SLC26A5: variants seen among roughly 807,000 people sequenced by gnomAD.
SLC26A5 encodes solute carrier family 26 member 5.
Under a neutral mutation model 81.0 loss-of-function variants are expected in SLC26A5, and 51 were observed. The observed-to-expected ratio is 0.63, with a 90% CI of 0.50 to 0.80. SLC26A5 has a LOEUF of 0.80. Among genes scored for constraint, SLC26A5 ranks in the 30% least tolerant of loss-of-function variants. SLC26A5 has a pLI of 0.00. For synonymous variants in SLC26A5, 325 were observed against 332.8 expected, an observed-to-expected ratio of 0.98 and a Z score of 0.25; for missense variants, 771 against 905.8, an observed-to-expected ratio of 0.85 and a Z score of 1.91.
Position 103,378,447 on chromosome 7 carries a change from G to A in SLC26A5, c.1784C>T (p.Ala595Val). 6.2e-7 allele frequency: 1 copy of A among 1,613,696 alleles called. No individual in the cohort carries two copies. Among genetic ancestry groups the A allele is most frequent in the Non-Finnish European group, 8.5e-7 (1 of 1,179,592 alleles). Reference protein sequence around the residue: ...ANMANATVVKADAEVDGEDAT... With the variant: ...ANMANATVVKVDAEVDGEDAT... The stretch of plus-strand genomic sequence containing the variant: ...TATTTCAATGAAAAGACCACTCACT[G>A]CTTTGACAACAGTTGCGTTGGCCAT... The change falls in exon 17 of 20, where the codon GCA (alanine) becomes GTA (valine). Residue 595 changes from alanine (A) to valine (V), a missense_variant and splice_region_variant. Physicochemically the swap from Ala to Val is moderately conservative, Grantham distance 64. Transcript: ENST00000306312.
intron 19 of SLC26A5, chr7:103,363,438 A>T (rs1174791601): frequency 6.2e-7 from 1 of 1,604,218 alleles, no homozygotes; most frequent in Non-Finnish European, 8.5e-7. Flanking sequence ...CCATTACTTC[A>T]TGTAAGTAGC....
rs187385875 is a variant in SLC26A5, at chr7:103,354,280, C to T, written c.2042-1354G>A. Among the ~76,000 whole-genome samples, 4 of 151,368 alleles carry T rather than the reference C, an allele frequency of 2.6e-5. 1 individual carries two copies. The highest frequency in any genetic ancestry group is 2.6e-4 in the Admixed American group (4 of 15,176). On this transcript the variant is annotated intron_variant, in intron 19 of 19. Transcript: ENST00000339444. ...ATTTGAAATCATTTACACAAGTTTA[C>T]TATATTTAACAAGTATTACTGAATT...
At chr7:103,373,532 A>G (rs371145205), downstream of SLC26A5, among the ~76,000 whole-genome samples, 3 of 152,244 alleles carry the variant, frequency 2.0e-5, no homozygotes, top group Non-Finnish European at 1.5e-5. Context: ...CTCTTTAACA[A>G]GTCAATGTCA....
intron 9 of SLC26A5, 117 bp from the exon 10 acceptor site, chr7:103,393,183 C>T (rs1203108122): frequency 2.4e-6 from 3 of 1,253,626 alleles, no homozygotes; most frequent in African/African-American, 1.5e-5. Context: ...GTAATCAATG[C>T]TTGGATACTT....
At chr7:103,390,565 A>G in intron 11 of SLC26A5, 59 bp from the exon 12 acceptor site, 1 of 1,411,700 alleles carries the variant, frequency 7.1e-7, no homozygotes, top group South Asian at 1.2e-5. Flanking sequence ...GAGGCAGGGC[A>G]TAAGTTGGTT....
chr7:103,382,240 G>A (rs1479871658), intron 14 of SLC26A5, among the ~76,000 whole-genome samples: 1 of 151,786 alleles, frequency 6.6e-6, no homozygotes, highest in Non-Finnish European at 1.5e-5. Flanking sequence ...TAGGGGAGTA[G>A]TCAATTGAGG....
At chr7:103,427,915 C>A (rs987916062) in intron 2 of SLC26A5, among the ~76,000 whole-genome samples, 1 of 148,482 alleles carries the variant, frequency 6.7e-6, no homozygotes, top group Non-Finnish European at 1.5e-5. Context: ...TGCAGTGGTG[C>A]GATCTTGGCT....
chr7:103,360,602 CG>C (rs1820326645), intron 19 of SLC26A5, among the ~76,000 whole-genome samples: 1 of 152,172 alleles, frequency 6.6e-6, no homozygotes, highest in South Asian at 2.1e-4. Context: ...TACCTATGTG[CG>C]CACTCCACAG....
intron 5 of SLC26A5, 41 bp downstream of exon 5, chr7:103,412,961 A>C (rs1189674844): frequency 2.2e-6 from 3 of 1,389,688 alleles, no homozygotes; most frequent in South Asian, 2.3e-5. Flanking sequence ...GGTTGGAAAT[A>C]CACAAGGAAA....
chr7:103,419,789 C>T (rs1460952269), intron 4 of SLC26A5, among the ~76,000 whole-genome samples: 1 of 152,268 alleles, frequency 6.6e-6, no homozygotes, highest in East Asian at 1.9e-4. Context: ...CCACCCACCT[C>T]AGCCTTCCAA....
chr7:103,405,750 T>C (rs1823996894), intron 8 of SLC26A5, among the ~76,000 whole-genome samples: 1 of 152,184 alleles, frequency 6.6e-6, no homozygotes, highest in Non-Finnish European at 1.5e-5. Flanking sequence ...CAGACCGGAA[T>C]GTTTAAGTTT....
rs534357742 is a variant in SLC26A5 at position 103,360,605 on chromosome 7, A to G, written c.2042-7679T>C. Among the ~76,000 whole-genome samples, 3 of 151,978 alleles carry G rather than the reference A, an allele frequency of 2.0e-5. No homozygotes were observed. In the South Asian group the frequency reaches 6.2e-4, roughly 32 times the overall value. ...TACTTTTAGCTCTACCTATGTGCGC[A>G]CTCCACAGGCTATTTTTGTATTTCT... On this transcript the variant is annotated intron_variant, in intron 19 of 19. Transcript: ENST00000339444.
At chr7:103,439,254 G>A (rs929714214) in intron 2 of SLC26A5, among the ~76,000 whole-genome samples, 2 of 152,108 alleles carry the variant, frequency 1.3e-5, no homozygotes, top group Non-Finnish European at 2.9e-5. Context: ...AATGGGAAGA[G>A]GCTAATTTGG....
downstream of SLC26A5, among the ~76,000 whole-genome samples, chr7:103,371,062 G>A (rs6975450): frequency 0.1 from 15,847 of 152,152 alleles, 1,666 homozygotes; most frequent in African/African-American, 0.28. Context: ...AGCCAGAGAC[G>A]AGACTGTAAG....
intron 2 of SLC26A5, among the ~76,000 whole-genome samples, chr7:103,426,169 T>A (rs933383748): frequency 6.6e-6 from 1 of 152,230 alleles, no homozygotes; most frequent in African/African-American, 2.4e-5. Flanking sequence ...ATGCTTATAT[T>A]CTCACAACAA....
At chr7:103,354,689 T>C (rs1309715162) in intron 19 of SLC26A5, among the ~76,000 whole-genome samples, 1 of 152,174 alleles carries the variant, frequency 6.6e-6, no homozygotes, top group East Asian at 1.9e-4. Flanking sequence ...ATTTGTTATC[T>C]TGCATAATAG....
At chr7:103,379,379 C>A in intron 15 of SLC26A5, 44 bp from the exon 16 acceptor site, 1 of 1,314,172 alleles carries the variant, frequency 7.6e-7, no homozygotes. Flanking sequence ...GGAAATATTT[C>A]AGAATCAAAA....
Position 103,411,474 on chromosome 7 carries a change from A to G in SLC26A5, c.516T>C (p.Asp172=). The G allele has an allele frequency of 6.2e-7, 1 of 1,614,216 alleles. No homozygotes were observed. Among genetic ancestry groups the G allele is most frequent in the Non-Finnish European group, 8.5e-7 (1 of 1,180,034 alleles). ...ACATGGCGACTTTCACTCTCAAGGC[A>G]TCTCTGGCCTCTGTGCCATTGGTTG... ...VNATNGTEAR[D]ALRVKVAMSV... The change falls in exon 6 of 20, where the codon GAT becomes GAC. Residue 172 remains aspartate, a synonymous_variant. Coordinates refer to ENST00000306312, the MANE Select transcript of SLC26A5 (RefSeq NM_198999.3).
intron 19 of SLC26A5, among the ~76,000 whole-genome samples, chr7:103,361,448 T>C (rs1325542879): frequency 7.1e-6 from 1 of 141,556 alleles, no homozygotes; most frequent in Non-Finnish European, 1.5e-5. Flanking sequence ...AGGTGGAGGT[T>C]GCAGTGAGCC....
Sources: gnomAD v4.1 joint callset for allele counts (sites outside exome capture counted in the v4.1 genomes callset) on GRCh38, gnomAD v4.1.1 for gene constraint, MANE v1.5 for transcripts, NCBI Gene and HGNC (gene_info 2026-07-23, HGNC 2026-07-21) for gene names.